Variants in AUTS2 observed in about 807,000 individuals in gnomAD.
AUTS2 encodes activator of transcription and developmental regulator AUTS2, also known as autism susceptibility gene 2 protein.
AUTS2 carries 17 observed loss-of-function variants against 112.4 expected under a neutral mutation model. That is an observed-to-expected ratio of 0.15 (90% CI 0.10 to 0.23). The LOEUF (loss-of-function observed/expected upper bound fraction) is 0.23. Ranked by LOEUF, AUTS2 falls within the 10% of genes least tolerant of loss-of-function variation. The pLI is 1.00. For synonymous variants in AUTS2, 751 were observed against 702.7 expected, an observed-to-expected ratio of 1.07 and a Z score of -1.09; for missense variants, 1,510 against 1,701.6, an observed-to-expected ratio of 0.89 and a Z score of 1.98.
intron 5 of AUTS2, among the ~76,000 whole-genome samples, chr7:70,585,861 TATG>T (rs1291845492): frequency 0.025 from 8 of 324 alleles, no homozygotes; most frequent in Non-Finnish European, 0.033. Context: ...TTTATTTATG[TATG>T]TATATATGTA....
At chr7:70,024,840 C>T (rs1471648560) in intron 2 of AUTS2, among the ~76,000 whole-genome samples, 1 of 152,112 alleles carries the variant, frequency 6.6e-6, no homozygotes, top group East Asian at 1.9e-4. Flanking sequence ...ATAAGACCCA[C>T]CCACATTATA....
chr7:70,645,117 G>C lies in AUTS2; in HGVS notation c.691-53452G>C, dbSNP rs573072819. Among the ~76,000 whole-genome samples the C allele has an allele frequency of 8.5e-5, 13 of 152,222 alleles. No individual in the cohort carries two copies. In the East Asian group the frequency reaches 2.3e-3, roughly 27 times the overall value. ...GTAGCATTTCCTTCATCTTCCTTCA[G>C]GCTCACAAGCGTTCTTCACCCAAAG... On this transcript the variant is annotated intron_variant, in intron 5 of 18. Transcript: ENST00000342771.
At chr7:69,728,030 A>C (rs1467000574) in intron 1 of AUTS2, among the ~76,000 whole-genome samples, 1 of 152,200 alleles carries the variant, frequency 6.6e-6, no homozygotes, top group East Asian at 1.9e-4. Flanking sequence ...TTAGTGTGGT[A>C]CACTAAAGAA....
At chr7:69,746,971 A>C (rs950658035) in intron 1 of AUTS2, among the ~76,000 whole-genome samples, 10 of 152,172 alleles carry the variant, frequency 6.6e-5, no homozygotes, top group African/African-American at 2.2e-4. Flanking sequence ...TGGATACAAG[A>C]GCCTGGCATT....
chr7:70,326,212 G>A (rs71549349), intron 4 of AUTS2, among the ~76,000 whole-genome samples: 2,056 of 152,210 alleles, frequency 0.014, 15 homozygotes, highest in Middle Eastern at 0.027. Flanking sequence ...ATACCCAAGG[G>A]GAACTGATGT....
chr7:70,110,438 C>A (rs1584737129), intron 2 of AUTS2, among the ~76,000 whole-genome samples: 1 of 152,268 alleles, frequency 6.6e-6, no homozygotes, highest in Middle Eastern at 3.4e-3. Context: ...ATCGCTTGAA[C>A]CCGGGAGGCA....
chr7:70,235,764 G>GC (rs1467146732), intron 4 of AUTS2, among the ~76,000 whole-genome samples: 3 of 151,578 alleles, frequency 2.0e-5, no homozygotes, highest in Admixed American at 2.0e-4. Context: ...TGATTCTCCT[G>GC]CCTCAGCCCA....
chr7:69,672,305 C>T (rs147352112), intron 1 of AUTS2, among the ~76,000 whole-genome samples: 2 of 152,176 alleles, frequency 1.3e-5, no homozygotes, highest in East Asian at 1.9e-4. Context: ...GTGATCCACC[C>T]GCCTCAGCCT....
intron 1 of AUTS2, among the ~76,000 whole-genome samples, chr7:69,873,230 G>A (rs547384935): frequency 6.6e-6 from 1 of 152,178 alleles, no homozygotes; most frequent in African/African-American, 2.4e-5. Context: ...ACAGAGTGCA[G>A]TGCTTCACAG....
chr7:70,772,429 C>A (rs1790413541), intron 11 of AUTS2, among the ~76,000 whole-genome samples: 1 of 152,322 alleles, frequency 6.6e-6, no homozygotes, highest in African/African-American at 2.4e-5. Flanking sequence ...CTTACAATTT[C>A]TATTTTACCT....
chr7:70,711,131 C>G (rs560255066), intron 6 of AUTS2, among the ~76,000 whole-genome samples: 5 of 152,310 alleles, frequency 3.3e-5, no homozygotes, highest in East Asian at 1.9e-4. Context: ...GCCTCACCCC[C>G]CCAGAGCACA....
chr7:69,617,896 C>T (rs1793462745), intron 1 of AUTS2, among the ~76,000 whole-genome samples: 1 of 152,136 alleles, frequency 6.6e-6, no homozygotes, highest in African/African-American at 2.4e-5. Context: ...AACGGCTTTG[C>T]CAGTGCCAGA....
At chr7:70,128,612 G>C (rs573064852) in intron 3 of AUTS2, among the ~76,000 whole-genome samples, 3 of 152,302 alleles carry the variant, frequency 2.0e-5, no homozygotes, top group African/African-American at 7.2e-5. Context: ...AAAGAAAAAT[G>C]GCTTGTGTGG....
chr7:69,715,318 T>C (rs796665655), intron 1 of AUTS2, among the ~76,000 whole-genome samples: 4 of 151,926 alleles, frequency 2.6e-5, no homozygotes, highest in African/African-American at 9.7e-5. Flanking sequence ...TTTTGAGTGG[T>C]TAAAGAGCTG....
chr7:70,665,000 G>T (rs572832715), intron 5 of AUTS2, among the ~76,000 whole-genome samples: 89 of 152,180 alleles, frequency 5.8e-4, no homozygotes, highest in African/African-American at 2.1e-3. Context: ...TTGAGCCCAA[G>T]AATTGAAGGT....
At chr7:70,673,578 G>A (rs1453983420) in intron 5 of AUTS2, among the ~76,000 whole-genome samples, 2 of 152,028 alleles carry the variant, frequency 1.3e-5, no homozygotes, top group East Asian at 1.9e-4. Flanking sequence ...GTTTCACCAT[G>A]TTGTCCAGGC....
rs551745265 is a variant in AUTS2, at chr7:70,718,365, A to T, written c.742+19745A>T. On this transcript the variant is annotated intron_variant, in intron 6 of 18. Coordinates refer to ENST00000342771, the MANE Select transcript of AUTS2 (RefSeq NM_015570.4). Reference sequence around the variant, plus strand: ...GTCTCTTAAGAGTATCCTTAGCTTTAAAAACAATAACACAGAGGATGGGTG... The same window carrying T: ...GTCTCTTAAGAGTATCCTTAGCTTTTAAAACAATAACACAGAGGATGGGTG... Among the ~76,000 whole-genome samples the T allele has an allele frequency of 3.9e-5, 6 of 152,228 alleles. No individual in the cohort carries two copies. The South Asian group carries it at 1.2e-3, about 32-fold the overall frequency.
At chr7:70,598,751 A>C (rs1563066690) in intron 5 of AUTS2, among the ~76,000 whole-genome samples, 1 of 152,220 alleles carries the variant, frequency 6.6e-6, no homozygotes. Context: ...AACATCTTTA[A>C]GATTTGTTTC....
intron 4 of AUTS2, among the ~76,000 whole-genome samples, chr7:70,177,813 T>TTGGAATTATCCCCTCTCTC (rs57599835): frequency 0.3 from 45,326 of 152,044 alleles, 7,073 homozygotes; most frequent in African/African-American, 0.38. Context: ...CTGTTCTGCA[T>TTGGAATTATCCCCTCTCTC]TCTCATTGTT....
Sources: allele counts gnomAD v4.1 joint callset (sites outside exome capture counted in the v4.1 genomes callset), GRCh38; gene constraint gnomAD v4.1.1; transcripts MANE v1.5; gene names NCBI Gene and HGNC (gene_info 2026-07-23, HGNC 2026-07-21).